EVI5: variants seen among roughly 807,000 people sequenced by gnomAD.
EVI5 encodes ecotropic viral integration site 5.
Under a neutral mutation model 112.0 loss-of-function variants are expected in EVI5, and 73 were observed. That is an observed-to-expected ratio of 0.65 (90% CI 0.54 to 0.79). The LOEUF (loss-of-function observed/expected upper bound fraction) is 0.79. Among genes scored for constraint, EVI5 ranks in the 30% least tolerant of loss-of-function variants. The pLI is 0.00. For synonymous variants in EVI5, 305 were observed against 319.9 expected (o/e 0.95, Z 0.50); for missense variants, 900 against 968.8 (o/e 0.93, Z 0.94).
chr1:92,744,162 A>G (rs892074062), intron 1 of EVI5, among the ~76,000 whole-genome samples: 1 of 152,204 alleles, frequency 6.6e-6, no homozygotes, highest in Non-Finnish European at 1.5e-5. Context: ...GATAATTGTT[A>G]GTGATCTCTA....
At chr1:92,688,688 A>G (rs1668981428) in intron 9 of EVI5, among the ~76,000 whole-genome samples, 3 of 152,314 alleles carry the variant, frequency 2.0e-5, no homozygotes, top group South Asian at 4.1e-4. Context: ...AGAAATTGAA[A>G]GTCTACTTAA....
chr1:92,550,454 C>T (rs894530849), intron 19 of EVI5, among the ~76,000 whole-genome samples: 1 of 151,344 alleles, frequency 6.6e-6, no homozygotes. Context: ...ATGTAACAAA[C>T]CTGCATGTTG....
At chr1:92,693,503 A>C (rs1669813583) in intron 9 of EVI5, among the ~76,000 whole-genome samples, 1 of 152,186 alleles carries the variant, frequency 6.6e-6, no homozygotes, top group Non-Finnish European at 1.5e-5. Context: ...AAAGAATGTC[A>C]ATGAATGGGA....
intron 16 of EVI5, among the ~76,000 whole-genome samples, chr1:92,611,948 A>G (rs1651927917): frequency 1.3e-5 from 2 of 152,086 alleles, no homozygotes; most frequent in South Asian, 2.1e-4. Flanking sequence ...AATAGAAAAA[A>G]AAGAATTCAG....
At chr1:92,616,060 G>C (rs1653056050) in intron 16 of EVI5, among the ~76,000 whole-genome samples, 2 of 152,194 alleles carry the variant, frequency 1.3e-5, no homozygotes, top group African/African-American at 4.8e-5. Context: ...TTGGTTAGTT[G>C]AAAGACGGAC....
At chr1:92,654,185 C>T (rs1662634366) in intron 13 of EVI5, among the ~76,000 whole-genome samples, 1 of 152,100 alleles carries the variant, frequency 6.6e-6, no homozygotes, top group African/African-American at 2.4e-5. Flanking sequence ...AGAACTTCCC[C>T]CATTAAACAA....
intron 19 of EVI5, among the ~76,000 whole-genome samples, chr1:92,537,769 C>T (rs1664129421): frequency 6.7e-6 from 1 of 149,390 alleles, no homozygotes; most frequent in Non-Finnish European, 1.5e-5. Context: ...AGCCAAAATT[C>T]TAATCTACAG....
chr1:92,786,156 G>C (rs1304434284), upstream of EVI5, among the ~76,000 whole-genome samples: 2 of 146,988 alleles, frequency 1.4e-5, no homozygotes, highest in Non-Finnish European at 3.0e-5. Flanking sequence ...TATTTGTCTA[G>C]AAATTAGTAT....
intron 13 of EVI5, among the ~76,000 whole-genome samples, chr1:92,638,815 C>A (rs1659389024): frequency 6.6e-6 from 1 of 151,914 alleles, no homozygotes; most frequent in Non-Finnish European, 1.5e-5. Flanking sequence ...CACCTTTAAG[C>A]CATATAGGTG....
intron 10 of EVI5, among the ~76,000 whole-genome samples, chr1:92,671,956 C>T (rs1665955374): frequency 6.6e-6 from 1 of 151,756 alleles, no homozygotes; most frequent in Non-Finnish European, 1.5e-5. Flanking sequence ...GCATGCACCA[C>T]CATGCCTGGC....
intron 14 of EVI5, among the ~76,000 whole-genome samples, 200 bp downstream of exon 14, chr1:92,636,002 C>T (rs900258161): frequency 6.6e-5 from 10 of 152,120 alleles, no homozygotes; most frequent in Admixed American, 1.3e-4. Context: ...TCCTTAAATA[C>T]GGGGCTGTGA....
At chr1:92,675,911 G>C (rs57275795) in intron 10 of EVI5, among the ~76,000 whole-genome samples, 3 of 144,586 alleles carry the variant, frequency 2.1e-5, no homozygotes, top group Non-Finnish European at 4.5e-5. Context: ...AGCCAAGATC[G>C]CACCACTGCA....
chr1:92,547,373 C>T (rs1665917539), intron 19 of EVI5, among the ~76,000 whole-genome samples: 1 of 152,200 alleles, frequency 6.6e-6, no homozygotes, highest in East Asian at 1.9e-4. Flanking sequence ...ATTTATGGCA[C>T]TAAATGCCTA....
At position 92,662,266 on chromosome 1, in the gene EVI5, T is replaced by C. The variant is rs1182100192; in HGVS notation, c.1392+453A>G. ...GCAATAGTATTTCGTAAGACACAAA[T>C]TGCCACACTGTCGAAGCTTTAAATG... On this transcript the variant is annotated intron_variant, in intron 13 of 19. Transcript: ENST00000684568. Among the ~76,000 whole-genome samples, 4 of 152,184 alleles carry C rather than the reference T, an allele frequency of 2.6e-5. No homozygotes were observed. In the East Asian group the frequency reaches 7.7e-4, roughly 29 times the overall value.
chr1:92,761,612 G>A (rs1275253437), intron 1 of EVI5, among the ~76,000 whole-genome samples: 2 of 148,388 alleles, frequency 1.3e-5, no homozygotes, highest in Non-Finnish European at 3.0e-5. Flanking sequence ...TATGTGGAGA[G>A]TTAAAAATAA....
At chr1:92,631,289 A>G (rs952462527) in intron 14 of EVI5, among the ~76,000 whole-genome samples, 1 of 152,078 alleles carries the variant, frequency 6.6e-6, no homozygotes, top group Non-Finnish European at 1.5e-5. Flanking sequence ...CATTTTCACA[A>G]TATTGATTCT....
chr1:92,759,098 C>T (rs115844635), intron 1 of EVI5, among the ~76,000 whole-genome samples: 84 of 152,110 alleles, frequency 5.5e-4, no homozygotes, highest in Non-Finnish European at 1.1e-3. Flanking sequence ...GGTGTGGTGG[C>T]GCACGTTCCA....
chr1:92,764,025 T>TA (rs540671174), intron 1 of EVI5, among the ~76,000 whole-genome samples: 5 of 151,760 alleles, frequency 3.3e-5, no homozygotes, highest in South Asian at 2.1e-4. Flanking sequence ...GGCTTAAGTT[T>TA]AAAAAAAAAT....
chr1:92,715,950 C>T (rs531521726), intron 2 of EVI5, among the ~76,000 whole-genome samples: 3 of 152,146 alleles, frequency 2.0e-5, no homozygotes, highest in Non-Finnish European at 4.4e-5. Context: ...GTAAACAAAG[C>T]GGCCGGGAAG....
Sources: allele counts gnomAD v4.1 joint callset (sites outside exome capture counted in the v4.1 genomes callset), GRCh38; gene constraint gnomAD v4.1.1; transcripts MANE v1.5; gene names NCBI Gene and HGNC (gene_info 2026-07-23, HGNC 2026-07-21).